The following TLE2 variants were observed in gnomAD, a reference collection of about 807,000 sequenced individuals.
TLE2 encodes the protein transducin-like enhancer protein 2.
A neutral mutation model predicts 97.2 loss-of-function variants in TLE2; 74 were observed. The ratio of observed to expected loss-of-function variants is 0.76; its 90% confidence interval spans 0.63 to 0.92. The LOEUF is 0.92. Among genes scored for constraint, TLE2 ranks in the 40% least tolerant of loss-of-function variants. The pLI is 0.00. For missense variants in TLE2, 1,038 were observed against 1,008.7 expected, an observed-to-expected ratio of 1.03 and a Z score of -0.39; for synonymous variants, 499 against 432.1, an observed-to-expected ratio of 1.15 and a Z score of -1.92.
intron 1 of TLE2, among the ~76,000 whole-genome samples, chr19:3,041,014 T>TATATATATATATATGTA (rs55998855): frequency 9.9e-5 from 2 of 20,164 alleles, no homozygotes; most frequent in Non-Finnish European, 1.7e-4. Flanking sequence ...TATATATATA[T>TATATATATATATATGTA]TTTTTTTTTT....
intron 17 of TLE2, among the ~76,000 whole-genome samples, chr19:3,005,020 A>C (rs987855020): frequency 6.6e-6 from 1 of 151,890 alleles, no homozygotes; most frequent in Non-Finnish European, 1.5e-5. Flanking sequence ...AGCTCCTCCT[A>C]CATCAACCTC....
intron 17 of TLE2, 89 bp downstream of exon 17, chr19:3,005,348 T>G: frequency 6.6e-7 from 1 of 1,517,016 alleles, no homozygotes; most frequent in East Asian, 2.3e-5. Flanking sequence ...TGTCCTGTCC[T>G]GCCTCTGGAA....
intron 9 of TLE2, among the ~76,000 whole-genome samples, chr19:3,015,022 TAATAAATA>T (rs749174870): frequency 3.2e-5 from 3 of 93,426 alleles, no homozygotes; most frequent in African/African-American, 4.5e-5. Context: ...GACTCCACCT[TAATAAATA>T]AATAAATAAA....
At chr19:3,025,659 C>G (rs71339159) in intron 4 of TLE2, 3 of 974,532 alleles carry the variant, frequency 3.1e-6, no homozygotes, top group Non-Finnish European at 3.7e-6. Flanking sequence ...GCTGAGCAGA[C>G]GAGAAGGCGT....
intron 5 of TLE2, among the ~76,000 whole-genome samples, chr19:3,022,206 A>G (rs1221457499): frequency 6.6e-6 from 1 of 151,428 alleles, no homozygotes; most frequent in Non-Finnish European, 1.5e-5. Context: ...CTGCCACCAC[A>G]CCCAGCTAAT....
At chr19:3,021,076 G>T (rs1216300140) in intron 5 of TLE2, among the ~76,000 whole-genome samples, 2 of 114,570 alleles carry the variant, frequency 1.7e-5, no homozygotes, top group African/African-American at 6.7e-5. Flanking sequence ...GAGACAGAGT[G>T]AGACCCAGTC....
At chr19:3,044,508 C>G (rs141016146) in intron 1 of TLE2, among the ~76,000 whole-genome samples, 8,821 of 152,324 alleles carry the variant, frequency 0.058, 331 homozygotes, top group Middle Eastern at 0.12. Context: ...CACCCTCCAC[C>G]TCCCGGGTTC....
At chr19:3,023,433 T>G (rs1381234615) in intron 5 of TLE2, among the ~76,000 whole-genome samples, 1 of 152,144 alleles carries the variant, frequency 6.6e-6, no homozygotes, top group Non-Finnish European at 1.5e-5. Context: ...ACAGGACCTC[T>G]CCCCACCCCA....
At chr19:3,028,480 AC>A (rs2089983746) in intron 2 of TLE2, 98 bp from the exon 3 acceptor site, 2 of 1,199,212 alleles carry the variant, frequency 1.7e-6, no homozygotes, top group African/African-American at 3.1e-5. Flanking sequence ...TTCCTTACAG[AC>A]CTCCCCCCAC....
At chr19:2,998,486 CA>C (rs2089276719) in intron 19 of TLE2, among the ~76,000 whole-genome samples, 1 of 76,958 alleles carries the variant, frequency 1.3e-5, no homozygotes, top group East Asian at 4.0e-4. Context: ...CCATGTTGGC[CA>C]GGTTGGGCTT....
chr19:3,007,032 G>A (rs190929703), intron 14 of TLE2, among the ~76,000 whole-genome samples: 72 of 151,658 alleles, frequency 4.7e-4, no homozygotes, highest in Admixed American at 4.3e-3. Flanking sequence ...TGATCTGCCC[G>A]CCTCGGCCTC....
chr19:3,010,394 C>G (rs992753814), intron 12 of TLE2, among the ~76,000 whole-genome samples: 9 of 151,786 alleles, frequency 5.9e-5, no homozygotes, highest in African/African-American at 2.2e-4. Flanking sequence ...AAACAAAACC[C>G]AGGCCCAATG....
intron 1 of TLE2, among the ~76,000 whole-genome samples, chr19:3,043,569 G>A (rs948521384): frequency 1.3e-5 from 2 of 151,082 alleles, no homozygotes; most frequent in Admixed American, 1.3e-4. Context: ...AGGCCAAGAC[G>A]AGCGGATCAT....
intron 5 of TLE2, among the ~76,000 whole-genome samples, chr19:3,024,192 G>T (rs1362110218): frequency 6.6e-6 from 1 of 151,136 alleles, no homozygotes; most frequent in Non-Finnish European, 1.5e-5. Context: ...TTTTAGCAGA[G>T]ACAGGGTTTC....
intron 4 of TLE2, among the ~76,000 whole-genome samples, chr19:3,026,481 C>A (rs977894583): frequency 8.6e-5 from 12 of 139,764 alleles, no homozygotes; most frequent in East Asian, 2.1e-4. Flanking sequence ...AAAAAAAAAT[C>A]TTTAGGTCTA....
chr19:3,028,663 C>A (rs2089987614), intron 2 of TLE2, 43 bp downstream of exon 2: 1 of 1,604,210 alleles, frequency 6.2e-7, no homozygotes, highest in Non-Finnish European at 8.5e-7. Flanking sequence ...CCCGCCCCGG[C>A]GCCCAGGTGA....
intron 14 of TLE2, among the ~76,000 whole-genome samples, chr19:3,008,481 C>T (rs1420419207): frequency 6.7e-6 from 1 of 149,190 alleles, no homozygotes; most frequent in Non-Finnish European, 1.5e-5. Flanking sequence ...GACTGAGTCT[C>T]GCTCTATTGC....
Position 3,028,933 on chromosome 19 carries a change from C to T in TLE2, c.-29G>A. 8.1e-6 allele frequency: 13 copies of T among 1,607,084 alleles called. No homozygotes were observed. Among genetic ancestry groups the T allele is most frequent in the Non-Finnish European group, 1.0e-5 (12 of 1,177,972 alleles). ...GCCGATCCGAAAAGCCCCCCAGGCG[C>T]CACCAGAGCTTGATGATATGGAGGC... On this transcript the variant is annotated 5_prime_UTR_variant, in exon 1 of 20. Transcript: ENST00000262953.
Position 3,025,001 on chromosome 19 carries a change from C to CA in TLE2, c.294+18dup. The CA allele has an allele frequency of 6.3e-7, 1 of 1,578,808 alleles. No homozygotes were observed. The highest frequency in any genetic ancestry group is 8.6e-7 in the Non-Finnish European group (1 of 1,162,196). ...TCCGGCTCCCTTCCCCTCCTCCCCC[C>CA]ACCCCCAGGCCCACTCACCTCCTGG... On this transcript the variant is annotated intron_variant, in intron 5 of 19. Transcript: ENST00000262953.
Sources: gnomAD v4.1 joint callset for allele counts (sites outside exome capture counted in the v4.1 genomes callset) on GRCh38, gnomAD v4.1.1 for gene constraint, MANE v1.5 for transcripts, NCBI Gene and HGNC (gene_info 2026-07-23, HGNC 2026-07-21) for gene names.